SLC24A2: variants seen among roughly 807,000 people sequenced by gnomAD.
The protein encoded by SLC24A2 is solute carrier family 24 member 2.
A neutral mutation model predicts 62.0 loss-of-function variants in SLC24A2; 36 were observed. That is an observed-to-expected ratio of 0.58 (90% CI 0.44 to 0.77). The LOEUF is 0.77. Among genes scored for constraint, SLC24A2 ranks in the 30% least tolerant of loss-of-function variants. The pLI is 0.00. For synonymous variants in SLC24A2, 358 were observed against 294.0 expected (o/e 1.22, Z -2.23); for missense variants, 846 against 817.9 (o/e 1.03, Z -0.42).
In SLC24A2 at chr9:19,524,467, T is replaced by C. The variant is rs1391924509; in HGVS notation, c.1570-3407A>G. ...GCAAATTATGTTAAAGCATTGTAGG[T>C]GAAGGGCATTTATTTTTTGCCAAAC... On this transcript the variant is annotated intron_variant, in intron 9 of 10. Transcript: ENST00000341998. Among the ~76,000 whole-genome samples, 4 of 147,682 alleles carry C rather than the reference T, an allele frequency of 2.7e-5. No individual in the cohort carries two copies. In the East Asian group the frequency reaches 7.9e-4, roughly 29 times the overall value.
chr9:19,789,601 G>A (rs1823281034), upstream of SLC24A2, among the ~76,000 whole-genome samples: 1 of 152,180 alleles, frequency 6.6e-6, no homozygotes, highest in Admixed American at 6.5e-5. Context: ...TTGAATCACT[G>A]ACAGGCTTCG....
At chr9:20,171,795 A>G in the SLC24A2 span, among the ~76,000 whole-genome samples, 54 of 152,218 alleles carry the variant, frequency 3.5e-4, 1 homozygote, top group South Asian at 9.5e-3. Context: ...TGACAGCACT[A>G]GACAAGTCAT....
chr9:19,552,323 T>G (rs779717303), intron 7 of SLC24A2, among the ~76,000 whole-genome samples: 4 of 152,208 alleles, frequency 2.6e-5, no homozygotes, highest in Non-Finnish European at 5.9e-5. Context: ...GTGAATAATC[T>G]TTGTGTCATG....
chr9:19,979,639 C>T, the SLC24A2 span, among the ~76,000 whole-genome samples: 1 of 152,278 alleles, frequency 6.6e-6, no homozygotes, highest in East Asian at 1.9e-4. Flanking sequence ...TGGCCTTGCT[C>T]TCTTACTCTT....
At chr9:19,743,605 A>G (rs1466893663) in intron 2 of SLC24A2, among the ~76,000 whole-genome samples, 2 of 152,152 alleles carry the variant, frequency 1.3e-5, no homozygotes, top group African/African-American at 4.8e-5. Flanking sequence ...AAAGAGAGAA[A>G]GATTTTGCAT....
chr9:19,843,249 C>G, the SLC24A2 span, among the ~76,000 whole-genome samples: 3 of 152,170 alleles, frequency 2.0e-5, no homozygotes, highest in Admixed American at 6.5e-5. Flanking sequence ...GCCTTGTAAT[C>G]CCAACACTTT....
chr9:20,175,214 T>C, the SLC24A2 span, among the ~76,000 whole-genome samples: 2 of 151,784 alleles, frequency 1.3e-5, no homozygotes, highest in African/African-American at 2.4e-5. Context: ...AATGATACAA[T>C]GGATTTTGGG....
the SLC24A2 span, among the ~76,000 whole-genome samples, chr9:20,163,426 G>A: frequency 6.6e-6 from 1 of 151,982 alleles, no homozygotes; most frequent in Non-Finnish European, 1.5e-5. Flanking sequence ...ACTTACAAGG[G>A]ACGTGAAGGA....
intron 8 of SLC24A2, among the ~76,000 whole-genome samples, chr9:19,546,990 C>T (rs957708665): frequency 2.0e-5 from 3 of 152,124 alleles, no homozygotes; most frequent in African/African-American, 7.2e-5. Context: ...CCACACCCCA[C>T]CTTAGCTGGA....
At chr9:20,108,740 C>T in the SLC24A2 span, among the ~76,000 whole-genome samples, 1 of 151,760 alleles carries the variant, frequency 6.6e-6, no homozygotes, top group African/African-American at 2.4e-5. Context: ...GGAGATATAC[C>T]TAATGTTAAA....
chr9:20,192,154 G>T, the SLC24A2 span, among the ~76,000 whole-genome samples: 1 of 152,298 alleles, frequency 6.6e-6, no homozygotes, highest in East Asian at 1.9e-4. Flanking sequence ...TTGAAGATGG[G>T]AAAGGTCTAT....
At chr9:20,159,419 C>T in the SLC24A2 span, among the ~76,000 whole-genome samples, 2 of 151,676 alleles carry the variant, frequency 1.3e-5, no homozygotes, top group Admixed American at 1.3e-4. Context: ...CCCTTGGCCC[C>T]AGAAACCAAT....
At chr9:19,865,894 A>T in the SLC24A2 span, among the ~76,000 whole-genome samples, 498 of 152,264 alleles carry the variant, frequency 3.3e-3, 1 homozygote, top group African/African-American at 0.011. Context: ...AGGAAACAAT[A>T]AACAAATTGA....
intron 6 of SLC24A2, among the ~76,000 whole-genome samples, chr9:19,576,455 G>T (rs2132851508): frequency 6.6e-6 from 1 of 152,300 alleles, no homozygotes; most frequent in African/African-American, 2.4e-5. Flanking sequence ...CTGTCACTCA[G>T]TTCAGGAGTG....
intron 2 of SLC24A2, among the ~76,000 whole-genome samples, chr9:19,661,184 A>T (rs968755079): frequency 6.8e-6 from 1 of 146,530 alleles, no homozygotes; most frequent in Admixed American, 7.2e-5. Context: ...ACCAGCACTT[A>T]GACTTAAATG....
chr9:19,717,807 G>C (rs1450195067), intron 2 of SLC24A2, among the ~76,000 whole-genome samples: 1 of 151,882 alleles, frequency 6.6e-6, no homozygotes, highest in African/African-American at 2.4e-5. Context: ...GATTATACTG[G>C]AGTAGGCTTT....
the SLC24A2 span, among the ~76,000 whole-genome samples, chr9:19,836,255 TA>T: frequency 6.6e-6 from 1 of 151,984 alleles, no homozygotes; most frequent in Non-Finnish European, 1.5e-5. Context: ...ATAAGAGATA[TA>T]AAAAACCCTT....
the SLC24A2 span, among the ~76,000 whole-genome samples, chr9:19,962,688 GT>G: frequency 1.2e-4 from 18 of 152,312 alleles, no homozygotes; most frequent in African/African-American, 4.1e-4. Flanking sequence ...AAGAATGCTT[GT>G]GATTTTTGTA....
At chr9:19,966,414 G>A in the SLC24A2 span, among the ~76,000 whole-genome samples, 5 of 152,196 alleles carry the variant, frequency 3.3e-5, no homozygotes, top group East Asian at 1.9e-4. Flanking sequence ...AACAATTAGC[G>A]GGTATGAACA....
Sources: gnomAD v4.1 joint callset for allele counts (sites outside exome capture counted in the v4.1 genomes callset) on GRCh38, gnomAD v4.1.1 for gene constraint, MANE v1.5 for transcripts, NCBI Gene and HGNC (gene_info 2026-07-23, HGNC 2026-07-21) for gene names.